Variants in DUSP16 observed in about 807,000 individuals in gnomAD.
The protein encoded by DUSP16 is dual specificity protein phosphatase 16.
DUSP16 carries 21 observed loss-of-function variants against 58.3 expected under a neutral mutation model. That is an observed-to-expected ratio of 0.36 (90% CI 0.26 to 0.52). The LOEUF is 0.52. Among genes scored for constraint, DUSP16 ranks in the 20% least tolerant of loss-of-function variants. The probability of loss-of-function intolerance (pLI) is 0.94; values close to 1 mark genes in which losing one functional copy is unlikely to be tolerated. For synonymous variants in DUSP16, 320 were observed against 323.8 expected (o/e 0.99, Z 0.12); for missense variants, 726 against 819.0 (o/e 0.89, Z 1.39).
At chr12:12,552,879 C>T (rs1005791134) in intron 1 of DUSP16, among the ~76,000 whole-genome samples, 2 of 152,144 alleles carry the variant, frequency 1.3e-5, no homozygotes, top group Admixed American at 1.3e-4. Context: ...CTCCCGGGTT[C>T]AAGCGATTCT....
At position 12,500,621 on chromosome 12, in the gene DUSP16, G is replaced by T; in HGVS notation, c.429C>A (p.Val143=). The T allele has an allele frequency of 6.2e-7, 1 of 1,610,370 alleles. No individual in the cohort carries two copies. ...AGCAAGGCTGAGAAATGCAGGTAGG[G>T]ACTAGAGTGGATTTTCCTTCACAGA... ...PGLCEGKSTL[V]PTCISQPCLP... The change falls in exon 4 of 7, where the codon GTC becomes GTA. Residue 143 remains valine (V), a synonymous_variant. Coordinates refer to ENST00000298573, the MANE Select transcript of DUSP16 (RefSeq NM_030640.3).
At chr12:12,560,490 T>G (rs556789504) in intron 1 of DUSP16, among the ~76,000 whole-genome samples, 10 of 152,330 alleles carry the variant, frequency 6.6e-5, no homozygotes, top group African/African-American at 2.2e-4. Context: ...AAAAAAAATT[T>G]TAATGCAACT....
chr12:12,487,332 G>C (rs1486057931), intron 4 of DUSP16, 145 bp from the exon 5 acceptor site: 4 of 869,558 alleles, frequency 4.6e-6, no homozygotes, highest in Non-Finnish European at 6.6e-6. Context: ...CAAAAACCTA[G>C]CAAAATGACA....
intron 3 of DUSP16, among the ~76,000 whole-genome samples, chr12:12,510,729 G>A (rs1175356113): frequency 6.6e-6 from 1 of 152,180 alleles, no homozygotes; most frequent in East Asian, 1.9e-4. Flanking sequence ...AACTAATTAT[G>A]GTAAGTGGCC....
chr12:12,561,100 G>C (rs530158552), intron 1 of DUSP16: 1 of 152,058 alleles, frequency 6.6e-6, no homozygotes, highest in African/African-American at 2.4e-5. Context: ...CAGAGCGCTG[G>C]GTAAATAAAA....
rs1214048482 is a variant in DUSP16 at position 12,549,591 on chromosome 12, AAC to A, written c.-366+12524_-366+12525del. The stretch of plus-strand genomic sequence containing the variant: ...CTTAGCTCTCCCAAAAGAAAAAAAT[AAC>A]AGTCTCCCCACCTGGATGAAACAAA... On this transcript the variant is annotated intron_variant, in intron 1 of 6. Coordinates refer to ENST00000298573, the MANE Select transcript of DUSP16 (RefSeq NM_030640.3). Among the ~76,000 whole-genome samples the A allele has an allele frequency of 2.6e-5, 4 of 152,176 alleles. No individual in the cohort carries two copies. In the East Asian group the frequency reaches 7.7e-4, roughly 29 times the overall value.
intron 1 of DUSP16, among the ~76,000 whole-genome samples, chr12:12,547,531 T>TTA (rs1944662517): frequency 4.5e-5 from 3 of 66,654 alleles, no homozygotes; most frequent in African/African-American, 1.5e-4. Flanking sequence ...TGAGTAGGCT[T>TTA]AAAAAAAAAA....
chr12:12,557,138 A>G (rs955488933), intron 1 of DUSP16, among the ~76,000 whole-genome samples: 1 of 152,136 alleles, frequency 6.6e-6, no homozygotes. Context: ...CTGTGGATAC[A>G]TTAACAAGGC....
chr12:12,537,301 T>C (rs11054960), intron 1 of DUSP16, among the ~76,000 whole-genome samples: 17,022 of 152,180 alleles, frequency 0.11, 1,736 homozygotes, highest in East Asian at 0.38. Flanking sequence ...ACAGTGACTA[T>C]AGTGTGAGCA....
chr12:12,486,664 G>A (rs1036086307), intron 5 of DUSP16, among the ~76,000 whole-genome samples: 1 of 152,212 alleles, frequency 6.6e-6, no homozygotes, highest in African/African-American at 2.4e-5. Flanking sequence ...CAAGGCAACA[G>A]GGAATATTAC....
intron 1 of DUSP16, among the ~76,000 whole-genome samples, chr12:12,549,928 C>T (rs1436985920): frequency 2.6e-5 from 4 of 152,140 alleles, no homozygotes; most frequent in Admixed American, 6.5e-5. Context: ...GCTCATCCTA[C>T]ACACTAACAT....
chr12:12,489,361 C>A (rs1037919645), intron 4 of DUSP16, among the ~76,000 whole-genome samples: 9 of 152,066 alleles, frequency 5.9e-5, no homozygotes, highest in African/African-American at 1.9e-4. Flanking sequence ...ATGTGTGAAC[C>A]CAAGGTGAGT....
At chr12:12,528,855 G>A (rs1944342649) in intron 1 of DUSP16, among the ~76,000 whole-genome samples, 1 of 152,136 alleles carries the variant, frequency 6.6e-6, no homozygotes, top group Admixed American at 6.5e-5. Flanking sequence ...AGCAAAGGGT[G>A]TGCGGGGGTG....
At chr12:12,524,730 TTATC>T (rs1944279680) in intron 1 of DUSP16, among the ~76,000 whole-genome samples, 1 of 152,222 alleles carries the variant, frequency 6.6e-6, no homozygotes, top group Admixed American at 6.5e-5. Flanking sequence ...GCTTTGCTAT[TTATC>T]TATTTATTTA....
At chr12:12,503,241 T>C (rs74857048) in intron 3 of DUSP16, among the ~76,000 whole-genome samples, 1 of 150,540 alleles carries the variant, frequency 6.6e-6, no homozygotes, top group Non-Finnish European at 1.5e-5. Context: ...TTTTTTTTTT[T>C]TTGAGACAGA....
chr12:12,531,278 G>C (rs1442372179), intron 1 of DUSP16, among the ~76,000 whole-genome samples: 1 of 152,056 alleles, frequency 6.6e-6, no homozygotes, highest in African/African-American at 2.4e-5. Flanking sequence ...CTGCACTCAA[G>C]CTCAAGCTCA....
At chr12:12,519,057 G>C (rs1944192829) in intron 3 of DUSP16, among the ~76,000 whole-genome samples, 1 of 152,220 alleles carries the variant, frequency 6.6e-6, no homozygotes, top group Non-Finnish European at 1.5e-5. Flanking sequence ...GCAGCTTTAT[G>C]TTAAGGTTAC....
At chr12:12,495,088 G>A (rs1455843262) in intron 4 of DUSP16, among the ~76,000 whole-genome samples, 1 of 152,130 alleles carries the variant, frequency 6.6e-6, no homozygotes, top group African/African-American at 2.4e-5. Context: ...GGCTAATGAT[G>A]TGTATTTTGT....
intron 1 of DUSP16, among the ~76,000 whole-genome samples, chr12:12,546,714 A>C (rs1285323728): frequency 1.3e-5 from 2 of 152,130 alleles, no homozygotes; most frequent in Non-Finnish European, 2.9e-5. Context: ...TTGCTTACCC[A>C]TTCCTATTTG....
Sources: allele counts gnomAD v4.1 joint callset (sites outside exome capture counted in the v4.1 genomes callset), GRCh38; gene constraint gnomAD v4.1.1; transcripts MANE v1.5; gene names NCBI Gene and HGNC (gene_info 2026-07-23, HGNC 2026-07-21).